The following KATNIP variants were observed in gnomAD, a reference collection of about 807,000 sequenced individuals.
KATNIP encodes the protein katanin interacting protein, also known as katanin-interacting protein.
KATNIP carries 126 observed loss-of-function variants against 174.0 expected under a neutral mutation model. The observed-to-expected ratio is 0.72, with a 90% confidence interval of 0.63 to 0.84. The LOEUF is 0.84. Among genes scored for constraint, KATNIP ranks in the 40% least tolerant of loss-of-function variants. The pLI, the probability that KATNIP is intolerant of heterozygous loss-of-function variation, is 0.00. For synonymous variants in KATNIP, 810 were observed against 835.7 expected, an observed-to-expected ratio of 0.97 and a Z score of 0.53; for missense variants, 1,958 against 2,109.7, an observed-to-expected ratio of 0.93 and a Z score of 1.41.
chr16:27,556,476 A>G (rs1269593298), intron 1 of KATNIP, among the ~76,000 whole-genome samples: 2 of 152,232 alleles, frequency 1.3e-5, no homozygotes, highest in African/African-American at 4.8e-5. Flanking sequence ...GCACATTGAT[A>G]TAATTAGAAA....
chr16:27,657,090 T>A (rs1366435083), intron 6 of KATNIP, among the ~76,000 whole-genome samples: 1 of 152,152 alleles, frequency 6.6e-6, no homozygotes, highest in Non-Finnish European at 1.5e-5. Flanking sequence ...GTATTGATGT[T>A]AAATTTTCTG....
At chr16:27,575,964 C>T (rs894780296) in intron 2 of KATNIP, among the ~76,000 whole-genome samples, 21 of 152,104 alleles carry the variant, frequency 1.4e-4, no homozygotes, top group African/African-American at 4.6e-4. Flanking sequence ...CTTCCAGAGA[C>T]CCTGAGGTAG....
At chr16:27,572,632 G>A (rs1180666719) in intron 1 of KATNIP, among the ~76,000 whole-genome samples, 2 of 152,122 alleles carry the variant, frequency 1.3e-5, no homozygotes. Context: ...TCCATCCATA[G>A]CACAGCATAC....
chr16:27,619,374 A>G (rs1027451841), intron 3 of KATNIP, among the ~76,000 whole-genome samples: 1 of 152,226 alleles, frequency 6.6e-6, no homozygotes, highest in African/African-American at 2.4e-5. Flanking sequence ...ATTCAAGTGA[A>G]AGCACAAAGC....
intron 6 of KATNIP, among the ~76,000 whole-genome samples, chr16:27,666,751 G>T (rs1249334705): frequency 2.0e-5 from 3 of 152,182 alleles, no homozygotes; most frequent in Admixed American, 2.0e-4. Flanking sequence ...GTTAGGACAG[G>T]CATGGTGGTT....
chr16:27,662,463 C>T (rs1035305393), intron 6 of KATNIP, among the ~76,000 whole-genome samples: 2 of 152,054 alleles, frequency 1.3e-5, no homozygotes, highest in African/African-American at 4.8e-5. Context: ...GACCAAAAGA[C>T]GGCTGGCTTG....
intron 7 of KATNIP, among the ~76,000 whole-genome samples, chr16:27,679,859 C>T (rs919730930): frequency 2.6e-5 from 4 of 152,064 alleles, no homozygotes; most frequent in Non-Finnish European, 5.9e-5. Context: ...GACATGCTCT[C>T]ACCATGTTTG....
intron 2 of KATNIP, among the ~76,000 whole-genome samples, chr16:27,594,485 T>C (rs757558492): frequency 6.6e-6 from 1 of 152,068 alleles, no homozygotes; most frequent in Non-Finnish European, 1.5e-5. Flanking sequence ...CTGGTCGGTT[T>C]ACTTATTTCT....
intron 27 of KATNIP, among the ~76,000 whole-genome samples, chr16:27,778,199 T>A (rs2082571848): frequency 6.6e-6 from 1 of 152,176 alleles, no homozygotes; most frequent in Non-Finnish European, 1.5e-5. Context: ...GCTTCCTGAA[T>A]CTAAGTGTCG....
chr16:27,733,439 C>T (rs2080770110), intron 14 of KATNIP, among the ~76,000 whole-genome samples: 1 of 152,088 alleles, frequency 6.6e-6, no homozygotes, highest in South Asian at 2.1e-4. Context: ...AAACCAGCCA[C>T]AGAGTTTCAA....
chr16:27,732,701 C>T (rs1330536416), intron 14 of KATNIP, among the ~76,000 whole-genome samples: 1 of 152,204 alleles, frequency 6.6e-6, no homozygotes, highest in African/African-American at 2.4e-5. Flanking sequence ...TGGGTGACAG[C>T]ACCTCACTCC....
chr16:27,652,317 G>A (rs974465082), intron 6 of KATNIP, among the ~76,000 whole-genome samples: 3 of 152,154 alleles, frequency 2.0e-5, no homozygotes, highest in Non-Finnish European at 4.4e-5. Context: ...AGCAGCCATG[G>A]GTCAGATTGC....
At chr16:27,582,727 A>T (rs567850079) in intron 2 of KATNIP, among the ~76,000 whole-genome samples, 7 of 152,202 alleles carry the variant, frequency 4.6e-5, no homozygotes, top group Non-Finnish European at 1.0e-4. Context: ...GATGGGGATG[A>T]TATGAAACCT....
chr16:27,740,996 T>C (rs1597348661), intron 15 of KATNIP, 76 bp downstream of exon 15: 1 of 965,852 alleles, frequency 1.0e-6, no homozygotes. Flanking sequence ...AGTTAGCTCC[T>C]GGACCTCAGT....
intron 15 of KATNIP, 128 bp from the exon 16 acceptor site, chr16:27,749,456 T>G: frequency 1.8e-6 from 2 of 1,133,620 alleles, no homozygotes; most frequent in Non-Finnish European, 2.5e-6. Context: ...ACCCCGCTGG[T>G]TTCTAGAGGG....
chr16:27,551,430 G>A (rs2089361657), intron 1 of KATNIP, among the ~76,000 whole-genome samples: 2 of 152,282 alleles, frequency 1.3e-5, no homozygotes, highest in South Asian at 4.1e-4. Flanking sequence ...AAAGGTCAAT[G>A]TAATGTTGCT....
chr16:27,692,959 T>C (rs1178175051), intron 8 of KATNIP, among the ~76,000 whole-genome samples: 1 of 152,102 alleles, frequency 6.6e-6, no homozygotes, highest in Non-Finnish European at 1.5e-5. Context: ...TGTCTATACT[T>C]TGGGGTGTTT....
chr16:27,618,394 G>A lies in KATNIP; in HGVS notation c.64-31G>A, dbSNP rs143237838. ...CTCAGTCAGTGCTTCCCTGCATTCC[G>A]ATATCACACTGCTCTGTTTCTTCAT... On this transcript the variant is annotated intron_variant, in intron 2 of 27. Transcript: ENST00000261588. The A allele has an allele frequency of 1.1e-4, 167 of 1,553,052 alleles. No homozygotes were observed. The African/African-American group carries it at 1.8e-3, about 17-fold the overall frequency.
chr16:27,667,244 G>A (rs1196905178), intron 6 of KATNIP, among the ~76,000 whole-genome samples: 4 of 151,912 alleles, frequency 2.6e-5, no homozygotes, highest in Non-Finnish European at 5.9e-5. Context: ...GAACCCAGGA[G>A]GTCGAGGTTG....
Sources: gnomAD v4.1 joint callset for allele counts (sites outside exome capture counted in the v4.1 genomes callset) on GRCh38, gnomAD v4.1.1 for gene constraint, MANE v1.5 for transcripts, NCBI Gene and HGNC (gene_info 2026-07-23, HGNC 2026-07-21) for gene names.